The following KRT2 variants were observed in gnomAD, a reference collection of about 807,000 sequenced individuals.
The protein encoded by KRT2 is keratin, type II cytoskeletal 2 epidermal.
In KRT2, 37 loss-of-function variants were observed where a neutral mutation model predicts 48.5. That is an observed-to-expected ratio of 0.76 (90% CI 0.59 to 1.00). KRT2 has a LOEUF of 1.00. Ranked by LOEUF, KRT2 falls within the 50% of genes least tolerant of loss-of-function variation. The pLI is 0.00. For synonymous variants in KRT2, 324 were observed against 312.2 expected, an observed-to-expected ratio of 1.04 and a Z score of -0.40; for missense variants, 880 against 815.2, an observed-to-expected ratio of 1.08 and a Z score of -0.97.
At chr12:52,649,470 A>G (rs1941216906) in intron 3 of KRT2, among the ~76,000 whole-genome samples, 1 of 152,036 alleles carries the variant, frequency 6.6e-6, no homozygotes, top group Non-Finnish European at 1.5e-5. Context: ...CCTCTCCGAA[A>G]TTTCCCCAGA....
intron 1 of KRT2, 46 bp from the exon 2 acceptor site, chr12:52,650,599 A>G (rs1283399879): frequency 6.5e-7 from 1 of 1,536,244 alleles, no homozygotes; most frequent in South Asian, 1.1e-5. Context: ...ATCATCCTTC[A>G]CACCAAGCAA....
In KRT2 at chr12:52,651,831, A is replaced by ACCTCCGAAGCCGCTGCCG. The variant is rs1555169864; in HGVS notation, c.311_312insCGGCAGCGGCTTCGGAGG (p.Gly103_Phe108dup). 9.0e-7 allele frequency: 1 copy of ACCTCCGAAGCCGCTGCCG among 1,116,446 alleles called. No individual in the cohort carries two copies. Among genetic ancestry groups the ACCTCCGAAGCCGCTGCCG allele is most frequent in the Non-Finnish European group, 1.3e-6 (1 of 799,780 alleles). The allele number at this position is 1,116,446 out of a possible 1,614,324, so 69.2% of individuals were successfully genotyped here. On this transcript the variant is annotated inframe_insertion, in exon 1 of 9. Transcript: ENST00000309680. ...AACCACCACCACTGAAGCCGCTGCC[A>ACCTCCGAAGCCGCTGCCG]CCTCCAAAGCTGCTGCCGCCTCCAA...
rs768690266 is a variant in KRT2, at chr12:52,645,047, C to T, written c.1892G>A (p.Gly631Asp). Residue 631 changes from glycine (G) to aspartate (D), a missense_variant, in exon 9 of 9, where the codon GGT becomes GAT. Transcript: ENST00000309680. ...SVKGSSGEAF[G>D]SSVTFSFR ...TCTAAAAGAGAAGGTCACGCTGGAACCAAAAGCTTCACCTGAGCTACCCTT... is the reference window on the plus strand; with the variant it reads ...TCTAAAAGAGAAGGTCACGCTGGAATCAAAAGCTTCACCTGAGCTACCCTT... 3.1e-6 allele frequency: 5 copies of T among 1,614,014 alleles called. No individual in the cohort carries two copies. The South Asian group carries it at 5.5e-5, about 18-fold the overall frequency.
intron 4 of KRT2, 39 bp downstream of exon 4, chr12:52,648,968 G>T (rs541009244): frequency 4.1e-6 from 5 of 1,227,126 alleles, no homozygotes; most frequent in Non-Finnish European, 6.0e-6. Flanking sequence ...TGGTGAGAAG[G>T]GTGGGAAGTA....
chr12:52,648,734 G>A (rs931076634), intron 4 of KRT2, among the ~76,000 whole-genome samples: 1 of 152,200 alleles, frequency 6.6e-6, no homozygotes, highest in Non-Finnish European at 1.5e-5. Context: ...CACAGGGCTT[G>A]TCTCTTCCCC....
At chr12:52,649,229 T>C (rs1941213835) in intron 3 of KRT2, 127 bp from the exon 4 acceptor site, 3 of 716,722 alleles carry the variant, frequency 4.2e-6, no homozygotes, top group South Asian at 1.5e-5. Context: ...ACCTGATCCC[T>C]GTCCCCATGG....
intron 8 of KRT2, 40 bp from the exon 9 acceptor site, chr12:52,645,474 C>T: frequency 1.2e-6 from 2 of 1,613,994 alleles, no homozygotes; most frequent in Non-Finnish European, 1.7e-6. Flanking sequence ...ATTATGACTG[C>T]CTCTCCCTGC....
At chr12:52,649,693 G>A (rs1941219847) in intron 3 of KRT2, among the ~76,000 whole-genome samples, 1 of 152,142 alleles carries the variant, frequency 6.6e-6, no homozygotes, top group African/African-American at 2.4e-5. Context: ...GTTACTACTG[G>A]GAAGCACTCT....
chr12:52,650,773 G>A (rs984108507), intron 1 of KRT2: 3 of 599,300 alleles, frequency 5.0e-6, no homozygotes, highest in Admixed American at 2.6e-5. Flanking sequence ...ACGCAGAGGA[G>A]ACTCTTTGCT....
intron 7 of KRT2, 122 bp from the exon 8 acceptor site, chr12:52,645,691 A>C (rs1941153774): frequency 2.2e-6 from 2 of 922,360 alleles, no homozygotes; most frequent in Non-Finnish European, 3.6e-6. Context: ...CAGGGCTTAC[A>C]CACCCCACTT....
Position 52,649,127 on chromosome 12 carries a change from G to T in KRT2, c.862-25C>A, listed in dbSNP as rs201470109. On this transcript the variant is annotated intron_variant, in intron 3 of 8. Coordinates refer to ENST00000309680, the MANE Select transcript of KRT2 (RefSeq NM_000423.3). ...CCTGCAAGAAAGGTTGAGGCCTCTG[G>T]TGTATGGTTCCCTGTACAGGCCTCT... The T allele has an allele frequency of 1.0e-4, 148 of 1,427,344 alleles. No individual in the cohort carries two copies. In the African/African-American group the frequency reaches 1.8e-3, roughly 18 times the overall value. 88.4% of individuals were successfully genotyped at this position (1,427,344 alleles called of 1,614,324 possible).
Position 52,652,071 on chromosome 12 carries a change from G to A in KRT2, c.72C>T (p.Ser24=), listed in dbSNP as rs375338538. The A allele has an allele frequency of 1.2e-4, 189 of 1,600,508 alleles. No individual in the cohort carries two copies. The highest frequency in any genetic ancestry group is 1.4e-4 in the Non-Finnish European group (165 of 1,179,070). Residue 24 remains serine, a synonymous_variant, in exon 1 of 9, where the codon AGC becomes AGT. Transcript: ENST00000309680. ...GGGGGFRGFS[S]GSAVVSGGSR... The stretch of plus-strand genomic sequence containing the variant: ...TTCCACCAGACACCACAGCTGAGCC[G>A]CTGCTGAAGCCCCGGAATCCTCCTC...
intron 2 of KRT2, 101 bp downstream of exon 2, chr12:52,650,238 A>C (rs1459826172): frequency 2.0e-5 from 20 of 1,011,734 alleles, no homozygotes; most frequent in Non-Finnish European, 2.8e-5. Flanking sequence ...TCTCCCCATT[A>C]CCACCACAAA....
chr12:52,644,915 AC>A lies in KRT2; in HGVS notation c.*103del. 8.0e-7 allele frequency: 1 copy of A among 1,254,996 alleles called. No individual in the cohort carries two copies. Among genetic ancestry groups the A allele is most frequent in the East Asian group, 2.3e-5 (1 of 42,834 alleles). The allele number at this position is 1,254,996 out of a possible 1,614,324, so 77.7% of individuals were successfully genotyped here. A position where few individuals can be genotyped will look rare whatever the true frequency, so the allele number is the denominator to read the frequency against. ...CTCAAAGTGCCATCAGAGATAAATG[AC>A]AAAAATTTAACTTGCTGCCAGTTAG... On this transcript the variant is annotated 3_prime_UTR_variant, in exon 9 of 9. Transcript: ENST00000309680.
chr12:52,645,150 T>C lies in KRT2; in HGVS notation c.1789A>G (p.Ser597Gly), dbSNP rs772576458. Residue 597 changes from serine to glycine, a missense_variant, in exon 9 of 9, where the codon AGC becomes GGC. By Grantham distance (56) the Ser-to-Gly change is moderately conservative. Coordinates refer to ENST00000309680, the MANE Select transcript of KRT2 (RefSeq NM_000423.3). Reference protein sequence around the residue: ...GGYGSGGGKHSSGGGSRGGSS... With the variant: ...GGYGSGGGKHGSGGGSRGGSS... ...CCTCCTCTAGAGCCACCTCCAGAGCTGTGTTTTCCACCTCCAGAGCCATAT... is the reference window on the plus strand; with the variant it reads ...CCTCCTCTAGAGCCACCTCCAGAGCCGTGTTTTCCACCTCCAGAGCCATAT... The C allele has an allele frequency of 2.4e-5, 39 of 1,613,530 alleles. No individual in the cohort carries two copies. The highest frequency in any genetic ancestry group is 3.3e-5 in the Non-Finnish European group (39 of 1,179,948).
At chr12:52,650,616 C>G in intron 1 of KRT2, 63 bp from the exon 2 acceptor site, 1 of 1,405,800 alleles carries the variant, frequency 7.1e-7, no homozygotes, top group Non-Finnish European at 1.0e-6. Flanking sequence ...GCAAGCCACG[C>G]TGGCCAGGGG....
In KRT2 at chr12:52,648,993, A is replaced by T; in HGVS notation, c.957+14T>A. On this transcript the variant is annotated intron_variant, in intron 4 of 8. Transcript: ENST00000309680. ...GGTGGGAAGTAAGGGACTGTCCCGG[A>T]GCAGCCTCCTTACCGCATCATAGAG... 6.6e-7 allele frequency: 1 copy of T among 1,522,760 alleles called. No homozygotes were observed. The highest frequency in any genetic ancestry group is 9.1e-7 in the Non-Finnish European group (1 of 1,096,730). The allele number at this position is 1,522,760 out of a possible 1,614,324, so 94.3% of individuals were successfully genotyped here. A position where few individuals can be genotyped will look rare whatever the true frequency, so the allele number is the denominator to read the frequency against.
intron 7 of KRT2, 127 bp downstream of exon 7, chr12:52,646,613 T>C (rs1005663001): frequency 6.2e-6 from 6 of 960,172 alleles, no homozygotes; most frequent in South Asian, 2.7e-5. Context: ...ACACAGAGAA[T>C]GTCAGTTCTC....
rs1592257622 is a variant in KRT2 at position 52,651,723 on chromosome 12, G to A, written c.420C>T (p.Gly140=). ...CACCAGGGTATCCTCCAGGCCCAAA[G>A]CCACCAGGACCCCCTAAACCTCCAA... ...GGVGGLGGPG[G]FGPGGYPGGI... is the part of the protein sequence containing the mutation. Residue 140 remains glycine, a synonymous_variant, in exon 1 of 9, where the codon GGC becomes GGT. Coordinates refer to ENST00000309680, the MANE Select transcript of KRT2 (RefSeq NM_000423.3). 3 of 1,614,044 alleles carry A rather than the reference G, an allele frequency of 1.9e-6. No individual in the cohort carries two copies. In the East Asian group the frequency reaches 6.7e-5, roughly 36 times the overall value.
Sources: allele counts gnomAD v4.1 joint callset (sites outside exome capture counted in the v4.1 genomes callset), GRCh38; gene constraint gnomAD v4.1.1; transcripts MANE v1.5; gene names NCBI Gene and HGNC (gene_info 2026-07-23, HGNC 2026-07-21).